Variants in KMT2C observed in about 807,000 individuals in gnomAD.
KMT2C encodes the protein lysine methyltransferase 2C.
In KMT2C, 88 loss-of-function variants were observed where a neutral mutation model predicts 507.9. The observed-to-expected ratio is 0.17, with a 90% CI of 0.15 to 0.21. The LOEUF is 0.21. Among genes scored for constraint, KMT2C ranks in the 10% least tolerant of loss-of-function variants. The pLI, the probability that KMT2C is intolerant of heterozygous loss-of-function variation, is 1.00. For synonymous variants in KMT2C, 2,049 were observed against 2,080.8 expected, an observed-to-expected ratio of 0.98 and a Z score of 0.42; for missense variants, 4,954 against 5,957.8, an observed-to-expected ratio of 0.83 and a Z score of 5.55.
chr7:152,250,143 TTTAA>T lies in KMT2C; in HGVS notation c.1736-194_1736-191del, dbSNP rs1428916771. ...AGTCTTTGCACTATGGTAAAAATTTTTTAATTGTCTTTTTCTCTTTTTCTTTAAC... is the reference window on the plus strand; with the variant it reads ...AGTCTTTGCACTATGGTAAAAATTTTTTGTCTTTTTCTCTTTTTCTTTAAC... On this transcript the variant is annotated intron_variant, in intron 12 of 58. Transcript: ENST00000262189. Among the ~76,000 whole-genome samples the T allele has an allele frequency of 5.3e-5, 8 of 152,328 alleles. No individual in the cohort carries two copies. In the East Asian group the frequency reaches 1.5e-3, roughly 29 times the overall value.
intron 2 of KMT2C, among the ~76,000 whole-genome samples, chr7:152,356,530 C>A (rs766240599): frequency 6.6e-6 from 1 of 151,842 alleles, no homozygotes; most frequent in Admixed American, 6.6e-5. Context: ...GAGCCAAGAT[C>A]ACGCCACTGC....
chr7:152,281,798 T>A (rs1294841380), intron 6 of KMT2C, among the ~76,000 whole-genome samples: 1 of 151,904 alleles, frequency 6.6e-6, no homozygotes, highest in East Asian at 1.9e-4. Flanking sequence ...TTCAGGTAGA[T>A]ATTACTATTT....
At chr7:152,352,221 G>A (rs1170023305) in intron 2 of KMT2C, among the ~76,000 whole-genome samples, 1 of 152,120 alleles carries the variant, frequency 6.6e-6, no homozygotes, top group Non-Finnish European at 1.5e-5. Flanking sequence ...GCGCTCCCAG[G>A]CTTATTAGGA....
At position 152,194,143 on chromosome 7, in the gene KMT2C, A is replaced by C; in HGVS notation, c.4541-15T>G. ...TCCGCCAAGCTCTAGGAGATAAAAC[A>C]ATAATAGTAACAAGATTAAAAGACT... On this transcript the variant is annotated splice_polypyrimidine_tract_variant and intron_variant, in intron 30 of 58. Coordinates refer to ENST00000262189, the MANE Select transcript of KMT2C (RefSeq NM_170606.3). 1 of 1,567,298 alleles carries C rather than the reference A, an allele frequency of 6.4e-7. No individual in the cohort carries two copies. Among genetic ancestry groups the C allele is most frequent in the Non-Finnish European group, 8.6e-7 (1 of 1,165,180 alleles).
chr7:152,257,356 A>G (rs569291605), intron 9 of KMT2C, among the ~76,000 whole-genome samples: 94 of 152,332 alleles, frequency 6.2e-4, no homozygotes, highest in South Asian at 6.2e-4. Flanking sequence ...AACAGAAAAC[A>G]ATGAAGTTAG....
At chr7:152,253,974 A>C (rs1334838340) in intron 9 of KMT2C, among the ~76,000 whole-genome samples, 1 of 152,154 alleles carries the variant, frequency 6.6e-6, no homozygotes, top group African/African-American at 2.4e-5. Flanking sequence ...CAAATTTTGA[A>C]TCTAAAATAT....
At chr7:152,298,107 GA>G (rs890609471) in intron 6 of KMT2C, among the ~76,000 whole-genome samples, 30 of 147,260 alleles carry the variant, frequency 2.0e-4, no homozygotes, top group African/African-American at 3.0e-4. Context: ...AGTACAAAAA[GA>G]AAAAAAAAAT....
intron 1 of KMT2C, among the ~76,000 whole-genome samples, chr7:152,394,782 T>C (rs557581923): frequency 6.6e-6 from 1 of 152,308 alleles, no homozygotes; most frequent in African/African-American, 2.4e-5. Flanking sequence ...GCCTAATACA[T>C]TTTAGGTGGT....
chr7:152,263,991 C>T (rs2095822086), intron 8 of KMT2C, among the ~76,000 whole-genome samples: 2 of 152,134 alleles, frequency 1.3e-5, no homozygotes, highest in Non-Finnish European at 2.9e-5. Context: ...GGTCAGTTAG[C>T]CTCCAATTAT....
chr7:152,148,731 T>C lies in KMT2C; in HGVS notation c.13196A>G (p.Tyr4399Cys), dbSNP rs1289438855. The C allele has an allele frequency of 1.4e-5, 23 of 1,614,196 alleles. No individual in the cohort carries two copies. The highest frequency in any genetic ancestry group is 1.9e-5 in the Non-Finnish European group (23 of 1,180,020). Reference sequence around the variant, plus strand: ...TTCATGACAAAAGCAACATTTCCGATAGTCTTTGGGCACAGGATCAGGTTT... The same window carrying C: ...TTCATGACAAAAGCAACATTTCCGACAGTCTTTGGGCACAGGATCAGGTTT... ...SLKPDPVPKD[Y>C]RKCCFCHEEG... Residue 4399 changes from tyrosine to cysteine, a missense_variant, in exon 52 of 59, where the codon TAT (tyrosine) becomes TGT (cysteine). Coordinates refer to ENST00000262189, the MANE Select transcript of KMT2C (RefSeq NM_170606.3). The surrounding 1 kb of genome is among the most constrained non-coding windows in gnomAD (Gnocchi z 7.1).
At chr7:152,331,642 ATTTTTTTTTT>A (rs34778581) in intron 2 of KMT2C, among the ~76,000 whole-genome samples, 3 of 99,300 alleles carry the variant, frequency 3.0e-5, no homozygotes, top group African/African-American at 1.3e-4. Context: ...CAACAAAAAG[ATTTTTTTTTT>A]TTTTTTTTTT....
chr7:152,382,333 C>G (rs1410266305), intron 1 of KMT2C, among the ~76,000 whole-genome samples: 3 of 152,140 alleles, frequency 2.0e-5, no homozygotes, highest in Non-Finnish European at 4.4e-5. Flanking sequence ...TTGGCTCATG[C>G]CACTGTCCTT....
At position 152,181,343 on chromosome 7, in the gene KMT2C, G is replaced by C. The variant is rs1220479962; in HGVS notation, c.6517C>G (p.Pro2173Ala). 1 of 1,613,862 alleles carries C rather than the reference G, an allele frequency of 6.2e-7. No individual in the cohort carries two copies. The highest frequency in any genetic ancestry group is 1.3e-5 in the African/African-American group (1 of 74,844). ...PGTPRPTTVD[P>A]YSQQPQTPRP... Reference sequence around the variant, plus strand: ...GGGGTTTGGGGCTGCTGACTATATGGGTCAACAGTAGTAGGCCGGGGAGTT... The same window carrying C: ...GGGGTTTGGGGCTGCTGACTATATGCGTCAACAGTAGTAGGCCGGGGAGTT... The change falls in exon 36 of 59, where the codon CCA becomes GCA. Residue 2173 changes from proline (P) to alanine (A), a missense_variant. By Grantham distance (27) the Pro-to-Ala change is conservative. This residue lies in a region of KMT2C where 1,689 missense variants were observed against 1,654.3 expected (regional missense o/e 1.02). Coordinates refer to ENST00000262189, the MANE Select transcript of KMT2C (RefSeq NM_170606.3).
intron 3 of KMT2C, among the ~76,000 whole-genome samples, chr7:152,321,190 C>T (rs1158527541): frequency 6.6e-6 from 1 of 151,812 alleles, no homozygotes; most frequent in Non-Finnish European, 1.5e-5. Context: ...GCCAAGATCG[C>T]ACCATTGCAT....
intron 9 of KMT2C, among the ~76,000 whole-genome samples, chr7:152,258,306 T>C (rs1284407780): frequency 6.6e-6 from 1 of 152,000 alleles, no homozygotes; most frequent in African/African-American, 2.4e-5. Context: ...AGGTAATGAG[T>C]TGTAAATGAT....
intron 4 of KMT2C, among the ~76,000 whole-genome samples, chr7:152,314,432 T>G (rs2096704088): frequency 6.6e-6 from 1 of 152,160 alleles, no homozygotes; most frequent in African/African-American, 2.4e-5. Context: ...AATATGGTCT[T>G]TAAACACAAC....
At chr7:152,201,216 C>T (rs1277661972) in intron 26 of KMT2C, among the ~76,000 whole-genome samples, 1 of 151,572 alleles carries the variant, frequency 6.6e-6, no homozygotes, top group Non-Finnish European at 1.5e-5. Flanking sequence ...AAAGAGGGGG[C>T]TCCATCCATA....
intron 1 of KMT2C, among the ~76,000 whole-genome samples, chr7:152,387,090 CAAG>C (rs2097435662): frequency 6.6e-6 from 1 of 152,082 alleles, no homozygotes; most frequent in African/African-American, 2.4e-5. Flanking sequence ...GTTTTACAAT[CAAG>C]AAGACACACC....
chr7:152,346,413 A>G (rs2097057927), intron 2 of KMT2C, among the ~76,000 whole-genome samples: 1 of 152,258 alleles, frequency 6.6e-6, no homozygotes, highest in Admixed American at 6.5e-5. Flanking sequence ...ATTCAACTAG[A>G]ATTCGGTAAC....
Sources: allele counts gnomAD v4.1 joint callset (sites outside exome capture counted in the v4.1 genomes callset), GRCh38; gene constraint gnomAD v4.1.1; regional missense constraint gnomAD v4.1.1; non-coding constraint Gnocchi (gnomAD v3.1); transcripts MANE v1.5; gene names NCBI Gene and HGNC (gene_info 2026-07-23, HGNC 2026-07-21).